Variants in NAV3 observed in about 807,000 individuals in gnomAD.
NAV3 encodes the protein pore membrane and/or filament interacting like protein 1.
In NAV3, 87 loss-of-function variants were observed where a neutral mutation model predicts 244.7. That is an observed-to-expected ratio of 0.36 (90% CI 0.30 to 0.42). The LOEUF is 0.42. Among genes scored for constraint, NAV3 ranks in the 20% least tolerant of loss-of-function variants. The pLI, the probability that NAV3 is intolerant of heterozygous loss-of-function variation, is 1.00. For missense variants in NAV3, 2,663 were observed against 2,893.3 expected (o/e 0.92, Z 1.83); for synonymous variants, 1,126 against 1,042.2 (o/e 1.08, Z -1.55).
In NAV3 at chr12:77,773,682, G is replaced by A. The variant is rs567700971; in HGVS notation, c.73-166637G>A. ...AAAGAATGCTATTGAGGAGTATGGG[G>A]ATTACAATTTTAATAATGTACATCT... On this transcript the variant is annotated intron_variant, in intron 2 of 8. Coordinates refer to the NAV3 transcript ENST00000550042. Among the ~76,000 whole-genome samples the A allele has an allele frequency of 4.6e-5, 7 of 152,220 alleles. No homozygotes were observed. In the East Asian group the frequency reaches 1.3e-3, roughly 29 times the overall value.
At chr12:77,964,584 T>C (rs1282725064) in intron 3 of NAV3, among the ~76,000 whole-genome samples, 1 of 152,180 alleles carries the variant, frequency 6.6e-6, no homozygotes, top group African/African-American at 2.4e-5. Flanking sequence ...CCTCCTCTTT[T>C]CCTTCCTTAT....
Position 77,762,136 on chromosome 12 carries a change from G to T in NAV3, c.73-178183G>T, listed in dbSNP as rs192966296. 5.9e-4 allele frequency among the ~76,000 whole-genome samples: 90 copies of T among 152,254 alleles called. 1 individual carries two copies. The highest frequency in any genetic ancestry group is 2.2e-3 in the African/African-American group (90 of 41,570). On this transcript the variant is annotated intron_variant, in intron 2 of 8. Coordinates refer to the NAV3 transcript ENST00000550042. ...AGTTCATGTCCTTCGCAGAGACATG[G>T]ATGAAGCTGGAAACCATCATTCTCA...
At chr12:77,789,400 C>T (rs925546995) in intron 2 of NAV3, among the ~76,000 whole-genome samples, 1 of 152,104 alleles carries the variant, frequency 6.6e-6, no homozygotes, top group Non-Finnish European at 1.5e-5. Flanking sequence ...CTGGTTTATC[C>T]TCTTGTTTCC....
rs150699720 is a variant in NAV3, at chr12:77,847,072, C to T, written c.243+15368C>T. ...TTTTTCTATACCTTCAGAGACTACA[C>T]ACAGATATCAAGACTTTCTTTTCAC... On this transcript the variant is annotated intron_variant, in intron 1 of 39. Coordinates refer to ENST00000397909, the MANE Select transcript of NAV3 (RefSeq NM_001024383.2). Among the ~76,000 whole-genome samples the T allele has an allele frequency of 4.6e-3, 695 of 152,220 alleles. 8 individuals carry two copies. Among genetic ancestry groups the T allele is most frequent in the African/African-American group, 0.016 (665 of 41,536 alleles).
intron 2 of NAV3, among the ~76,000 whole-genome samples, chr12:77,796,993 A>G (rs1336143930): frequency 6.6e-6 from 1 of 152,112 alleles, no homozygotes; most frequent in African/African-American, 2.4e-5. Flanking sequence ...AATTCTCAAA[A>G]TCTCTGAGGT....
chr12:77,870,326 C>T (rs1880746882), intron 1 of NAV3, among the ~76,000 whole-genome samples: 1 of 145,862 alleles, frequency 6.9e-6, no homozygotes, highest in Non-Finnish European at 1.5e-5. Flanking sequence ...GATCATGCCA[C>T]TACACTCCAT....
intron 1 of NAV3, among the ~76,000 whole-genome samples, chr12:77,900,267 A>G (rs571926539): frequency 1.8e-3 from 281 of 151,904 alleles, no homozygotes; most frequent in African/African-American, 6.2e-3. Flanking sequence ...TAGTAGAGAC[A>G]GGGTTTCACC....
intron 2 of NAV3, among the ~76,000 whole-genome samples, chr12:77,824,463 A>G (rs1277802035): frequency 6.6e-6 from 1 of 152,138 alleles, no homozygotes; most frequent in Non-Finnish European, 1.5e-5. Flanking sequence ...AGGTGGTCCA[A>G]CATACATAAT....
chr12:77,678,453 G>A lies in NAV3; in HGVS notation c.72+106187G>A, dbSNP rs116447644. 6.5e-3 allele frequency among the ~76,000 whole-genome samples: 985 copies of A among 152,168 alleles called. 16 individuals carry two copies. The highest frequency in any genetic ancestry group is 0.023 in the African/African-American group (936 of 41,528). On this transcript the variant is annotated intron_variant, in intron 2 of 8. Coordinates refer to the NAV3 transcript ENST00000550042. ...TGATTCCAAAAATAGAATGTATTAA[G>A]CATAATTTTTTATTAATGACTCAAG...
chr12:77,653,168 G>C (rs1476270), intron 2 of NAV3, among the ~76,000 whole-genome samples: 35,453 of 151,884 alleles, frequency 0.23, 6,173 homozygotes, highest in African/African-American at 0.49. Flanking sequence ...TCTTGAGAAT[G>C]GTATGTTCTA....
chr12:77,647,487 A>T (rs182223029), intron 2 of NAV3, among the ~76,000 whole-genome samples: 30 of 150,630 alleles, frequency 2.0e-4, no homozygotes, highest in African/African-American at 6.6e-4. Context: ...TTTTTTGCCC[A>T]AACTAGATGA....
intron 3 of NAV3, among the ~76,000 whole-genome samples, chr12:77,947,805 T>C (rs1314229104): frequency 6.6e-6 from 1 of 152,090 alleles, no homozygotes; most frequent in Non-Finnish European, 1.5e-5. Context: ...GTTATTAGAA[T>C]ATCACCTAAA....
chr12:78,167,602 A>G (rs1184224459), intron 23 of NAV3, among the ~76,000 whole-genome samples: 1 of 151,428 alleles, frequency 6.6e-6, no homozygotes, highest in East Asian at 1.9e-4. Context: ...GCCGCTGTGG[A>G]TGATCTTTTT....
chr12:77,728,786 A>C (rs1421812882), intron 2 of NAV3, among the ~76,000 whole-genome samples: 3 of 151,832 alleles, frequency 2.0e-5, no homozygotes, highest in Non-Finnish European at 4.4e-5. Flanking sequence ...GGGTCCACTT[A>C]TACCTAGATC....
At chr12:78,039,716 T>A (rs1221986904) in intron 9 of NAV3, among the ~76,000 whole-genome samples, 1 of 152,102 alleles carries the variant, frequency 6.6e-6, no homozygotes, top group African/African-American at 2.4e-5. Flanking sequence ...AGATCACAGA[T>A]TAAATGGTCT....
At chr12:77,740,160 A>G (rs1868300955) in intron 2 of NAV3, among the ~76,000 whole-genome samples, 1 of 152,180 alleles carries the variant, frequency 6.6e-6, no homozygotes, top group South Asian at 2.1e-4. Flanking sequence ...CAGTTTTGGG[A>G]CTGAGAACTG....
chr12:77,975,738 A>G (rs1172413740), intron 5 of NAV3, among the ~76,000 whole-genome samples: 1 of 152,202 alleles, frequency 6.6e-6, no homozygotes, highest in Non-Finnish European at 1.5e-5. Flanking sequence ...TCAAAGAAAC[A>G]TAAGAATAAG....
chr12:77,864,470 T>A (rs768757594), intron 1 of NAV3, among the ~76,000 whole-genome samples: 10 of 151,968 alleles, frequency 6.6e-5, no homozygotes, highest in Non-Finnish European at 1.5e-4. Flanking sequence ...GGGCCTTGCC[T>A]TCCCAATGTC....
chr12:77,919,730 T>C (rs765513419), intron 1 of NAV3, among the ~76,000 whole-genome samples: 1 of 152,070 alleles, frequency 6.6e-6, no homozygotes, highest in Non-Finnish European at 1.5e-5. Context: ...CATGCTTTCA[T>C]TGAGACAGTC....
Sources: gnomAD v4.1 joint callset for allele counts (sites outside exome capture counted in the v4.1 genomes callset) on GRCh38, gnomAD v4.1.1 for gene constraint, MANE v1.5 for transcripts, NCBI Gene and HGNC (gene_info 2026-07-23, HGNC 2026-07-21) for gene names.